The following TFEB variants were observed in gnomAD, a reference collection of about 807,000 sequenced individuals.
TFEB encodes the protein transcription factor EB, also known as T-cell transcription factor EB.
Under a neutral mutation model 48.0 loss-of-function variants are expected in TFEB, and 12 were observed. The observed-to-expected ratio is 0.25, with a 90% CI of 0.16 to 0.40. The LOEUF (loss-of-function observed/expected upper bound fraction) is 0.40. Ranked by LOEUF, TFEB falls within the 10% of genes least tolerant of loss-of-function variation. TFEB has a pLI of 1.00. For synonymous variants in TFEB, 244 were observed against 261.4 expected (o/e 0.93, Z 0.64); for missense variants, 509 against 640.3 (o/e 0.79, Z 2.21).
chr6:41,734,800 C>A lies in TFEB; in HGVS notation c.-23+550G>T, dbSNP rs954437461. On this transcript the variant is annotated intron_variant, in intron 1 of 8. Transcript: ENST00000373033. This position sits in a 1 kb window ranked among gnomAD's most constrained non-coding sequence, Gnocchi z 4.0. The stretch of plus-strand genomic sequence containing the variant: ...GGGAGGGAGAGATGGTACTTCCACC[C>A]GCCCCCCCATCAGCCCAGCCCCCGG... The A allele has an allele frequency of 4.3e-5, 34 of 786,478 alleles. No homozygotes were observed. The highest frequency in any genetic ancestry group is 5.2e-5 in the Non-Finnish European group (34 of 648,220). 48.7% of individuals were successfully genotyped at this position (786,478 alleles called of 1,614,324 possible). A position where few individuals can be genotyped will look rare whatever the true frequency, so the allele number is the denominator to read the frequency against.
In TFEB at chr6:41,730,916, A is replaced by G. The variant is rs758817336; in HGVS notation, c.-23+4434T>C. Among the ~76,000 whole-genome samples the G allele has an allele frequency of 3.3e-5, 5 of 152,162 alleles. No individual in the cohort carries two copies. The highest frequency in any genetic ancestry group is 7.4e-5 in the Non-Finnish European group (5 of 68,026). On this transcript the variant is annotated intron_variant, in intron 1 of 8. Transcript: ENST00000373033. The surrounding 1 kb of genome is among the most constrained non-coding windows in gnomAD (Gnocchi z 4.1). ...GCCCCCTGCACCGTCTTATTCAACA[A>G]GGAGAGGAGGCTGGTGTGGTGGGAC...
At chr6:41,728,666 C>G (rs905319092) in intron 1 of TFEB, among the ~76,000 whole-genome samples, 1 of 151,632 alleles carries the variant, frequency 6.6e-6, no homozygotes, top group Non-Finnish European at 1.5e-5. Flanking sequence ...CACAGACCCA[C>G]TGGTAGAACT....
chr6:41,729,015 G>A (rs373623429), intron 1 of TFEB, among the ~76,000 whole-genome samples: 6 of 151,978 alleles, frequency 3.9e-5, no homozygotes, highest in African/African-American at 7.3e-5. Context: ...GGTACGGCAC[G>A]GACCAAAACA....
chr6:41,728,225 G>A (rs1050192350), intron 1 of TFEB, among the ~76,000 whole-genome samples: 3 of 152,252 alleles, frequency 2.0e-5, no homozygotes, highest in African/African-American at 7.2e-5. Flanking sequence ...GAGAAGCTGT[G>A]ATCTTGTTCC....
chr6:41,695,671 A>G (rs977665500), intron 1 of TFEB, among the ~76,000 whole-genome samples: 3 of 151,656 alleles, frequency 2.0e-5, no homozygotes, highest in Non-Finnish European at 4.4e-5. Flanking sequence ...AACTGTTCAG[A>G]GTTGTTACCG....
chr6:41,714,983 G>A lies in TFEB; in HGVS notation c.-23+20367C>T, dbSNP rs541671500. On this transcript the variant is annotated intron_variant, in intron 1 of 8. Transcript: ENST00000373033. ...AGCAGCACTCCCATTTTCAGACAAA[G>A]TCGGCCTGGACCCTTGATATGTAAA... Among the ~76,000 whole-genome samples, 9 of 152,320 alleles carry A rather than the reference G, an allele frequency of 5.9e-5. No homozygotes were observed. In the South Asian group the frequency reaches 1.9e-3, roughly 32 times the overall value.
chr6:41,712,889 C>T (rs1386953020), intron 1 of TFEB, among the ~76,000 whole-genome samples: 3 of 152,304 alleles, frequency 2.0e-5, no homozygotes, highest in African/African-American at 7.2e-5. Context: ...AAGCACCACC[C>T]ACTCCCCCAC....
At chr6:41,700,610 C>G (rs1404147294) in intron 1 of TFEB, among the ~76,000 whole-genome samples, 1 of 152,238 alleles carries the variant, frequency 6.6e-6, no homozygotes, top group Non-Finnish European at 1.5e-5. Context: ...TCCCAGACCC[C>G]CTGCAGGAAT....
Position 41,684,733 on chromosome 6 carries a change from G to C in TFEB, c.1297C>G (p.Leu433Val). Reference protein sequence around the residue: ...SPFPSLSKKDLDLMLLDDSLL... With the variant: ...SPFPSLSKKDVDLMLLDDSLL... ...GAGTCGTCCAGGAGCATGAGGTCCA[G>C]ATCCTTCTTGGACAGGCTGGGGAAT... The change falls in exon 9 of 9, where the codon CTG becomes GTG. Residue 433 changes from leucine to valine, a missense_variant. Coordinates refer to ENST00000373033, the MANE Select transcript of TFEB (RefSeq NM_001271944.2). 6.2e-7 allele frequency: 1 copy of C among 1,613,804 alleles called. No homozygotes were observed.
rs1287356166 is a variant in TFEB, at chr6:41,683,991, G to GTT, written c.*606_*607dup. ...AGGACCAGCAAGTACAAAGCACAGT[G>GTT]TTTACTAAAGGCACAAAGTGAGGGG... is the stretch of plus-strand genomic sequence containing the variant. On this transcript the variant is annotated 3_prime_UTR_variant, in exon 9 of 9. Coordinates refer to ENST00000373033, the MANE Select transcript of TFEB (RefSeq NM_001271944.2). The GTT allele has an allele frequency of 1.4e-5, 3 of 216,094 alleles. No homozygotes were observed. Among genetic ancestry groups the GTT allele is most frequent in the African/African-American group, 6.8e-5 (3 of 44,240 alleles). The allele number at this position is 216,094 out of a possible 1,614,324, so 13.4% of individuals were successfully genotyped here. A position where few individuals can be genotyped will look rare whatever the true frequency, so the allele number is the denominator to read the frequency against.
At chr6:41,719,550 A>G (rs1770889684) in intron 1 of TFEB, among the ~76,000 whole-genome samples, 1 of 152,206 alleles carries the variant, frequency 6.6e-6, no homozygotes, top group Non-Finnish European at 1.5e-5. Context: ...CCTGTGTCAC[A>G]CAACTGAGGA....
At chr6:41,732,928 T>G in intron 1 of TFEB, 10 of 985,484 alleles carry the variant, frequency 1.0e-5, no homozygotes, top group Non-Finnish European at 1.2e-5. Flanking sequence ...AACCTGGTTT[T>G]CATGACAGCT....
chr6:41,707,880 C>T (rs1770309998), intron 1 of TFEB, among the ~76,000 whole-genome samples: 1 of 152,226 alleles, frequency 6.6e-6, no homozygotes, highest in Admixed American at 6.5e-5. Context: ...GGCCATGGGG[C>T]TAGGGGAAGA....
Position 41,684,876 on chromosome 6 carries a change from G to T in TFEB, c.1154C>A (p.Thr385Asn). 1 of 1,570,086 alleles carries T rather than the reference G, an allele frequency of 6.4e-7. No homozygotes were observed. The highest frequency in any genetic ancestry group is 1.2e-5 in the South Asian group (1 of 84,298). ...LPPQAPLPLP[T>N]QPPSPFHHLD... ...GTGATGGAATGGGGATGGTGGCTGG[G>T]TGGGCAGGGGCAGCGGGGCTTGCGG... Residue 385 changes from threonine (T) to asparagine (N), a missense_variant, in exon 9 of 9, where the codon ACC becomes AAC. This residue lies in a region of TFEB where 168 missense variants were observed against 161.0 expected (regional missense o/e 1.04). Coordinates refer to ENST00000373033, the MANE Select transcript of TFEB (RefSeq NM_001271944.2).
At chr6:41,713,690 C>G (rs893294116) in intron 1 of TFEB, among the ~76,000 whole-genome samples, 1 of 152,166 alleles carries the variant, frequency 6.6e-6, no homozygotes, top group Non-Finnish European at 1.5e-5. Context: ...GTGGCCAAAA[C>G]AGGGAGGGCC....
In TFEB at chr6:41,723,995, A is replaced by C. The variant is rs1193211369; in HGVS notation, c.-23+11355T>G. The stretch of plus-strand genomic sequence containing the variant: ...GCTCACCATCTTCCTGACTGGCCAT[A>C]CACCTGCAGTCTTGGCCTTGGGCCT... On this transcript the variant is annotated intron_variant, in intron 1 of 8. Transcript: ENST00000373033. The surrounding 1 kb of genome is among the most constrained non-coding windows in gnomAD (Gnocchi z 6.0). 2.0e-6 allele frequency: 1 copy of C among 490,988 alleles called. No homozygotes were observed. The highest frequency in any genetic ancestry group is 2.1e-5 in the Admixed American group (1 of 47,624). 30.4% of individuals were successfully genotyped at this position (490,988 alleles called of 1,614,324 possible).
At chr6:41,704,906 G>T (rs1487787104) in intron 1 of TFEB, among the ~76,000 whole-genome samples, 1 of 152,252 alleles carries the variant, frequency 6.6e-6, no homozygotes, top group Non-Finnish European at 1.5e-5. Flanking sequence ...GGCTCACTGG[G>T]TGCTGGGGCT....
chr6:41,713,490 C>T lies in TFEB; in HGVS notation c.-23+21860G>A, dbSNP rs368121075. Among the ~76,000 whole-genome samples, 142 of 152,304 alleles carry T rather than the reference C, an allele frequency of 9.3e-4. 2 individuals carry two copies. The South Asian group carries it at 0.026, about 28-fold the overall frequency. On this transcript the variant is annotated intron_variant, in intron 1 of 8. Transcript: ENST00000373033. ...ATCCCCTCCGGTCCCTACGCTGACTCACTCTTATAGCTGTAGGCATGGGCA... is the reference window on the plus strand; with the variant it reads ...ATCCCCTCCGGTCCCTACGCTGACTTACTCTTATAGCTGTAGGCATGGGCA...
chr6:41,734,847 T>A lies in TFEB; in HGVS notation c.-23+503A>T. 1 of 944,188 alleles carries A rather than the reference T, an allele frequency of 1.1e-6. No homozygotes were observed. Among genetic ancestry groups the A allele is most frequent in the Non-Finnish European group, 1.3e-6 (1 of 796,666 alleles). 58.5% of individuals were successfully genotyped at this position (944,188 alleles called of 1,614,324 possible). A position where few individuals can be genotyped will look rare whatever the true frequency, so the allele number is the denominator to read the frequency against. On this transcript the variant is annotated intron_variant, in intron 1 of 8. Transcript: ENST00000373033. This position sits in a 1 kb window ranked among gnomAD's most constrained non-coding sequence, Gnocchi z 4.0. ...CCGGGGCGTGGCGCCGCTCTGGCCCTCCCACTCCCCCCGCTGGCCTGGCCA... is the reference window on the plus strand; with the variant it reads ...CCGGGGCGTGGCGCCGCTCTGGCCCACCCACTCCCCCCGCTGGCCTGGCCA...
Sources: allele counts gnomAD v4.1 joint callset (sites outside exome capture counted in the v4.1 genomes callset), GRCh38; gene constraint gnomAD v4.1.1; regional missense constraint gnomAD v4.1.1; non-coding constraint Gnocchi (gnomAD v3.1); transcripts MANE v1.5; gene names NCBI Gene and HGNC (gene_info 2026-07-23, HGNC 2026-07-21).